MGAT4C: variants seen among roughly 807,000 people sequenced by gnomAD.
MGAT4C encodes alpha-1,3-mannosyl-glycoprotein 4-beta-N-acetylglucosaminyltransferase C.
Under a neutral mutation model 40.1 loss-of-function variants are expected in MGAT4C, and 19 were observed. The ratio of observed to expected loss-of-function variants is 0.47; its 90% CI spans 0.33 to 0.70. The LOEUF (loss-of-function observed/expected upper bound fraction) is 0.70, where lower values mean the gene tolerates loss of function less well. MGAT4C is among the 30% of genes least tolerant of loss of function. The probability of loss-of-function intolerance (pLI) is 0.02; values close to 1 mark genes in which losing one functional copy is unlikely to be tolerated. For synonymous variants in MGAT4C, 181 were observed against 187.1 expected, an observed-to-expected ratio of 0.97 and a Z score of 0.27; for missense variants, 491 against 563.2, an observed-to-expected ratio of 0.87 and a Z score of 1.30.
chr12:86,027,079 AATC>A (rs1224907540), intron 2 of MGAT4C, among the ~76,000 whole-genome samples: 1 of 151,964 alleles, frequency 6.6e-6, no homozygotes, highest in African/African-American at 2.4e-5. Flanking sequence ...AACTACAATG[AATC>A]ATTATTAGGA....
chr12:86,519,341 T>C (rs999455318), intron 2 of MGAT4C, among the ~76,000 whole-genome samples: 1 of 152,204 alleles, frequency 6.6e-6, no homozygotes, highest in South Asian at 2.1e-4. Flanking sequence ...ATTTTGGCTA[T>C]TGTGAATAGT....
intron 3 of MGAT4C, among the ~76,000 whole-genome samples, chr12:86,373,302 G>A (rs926798492): frequency 1.3e-4 from 19 of 151,836 alleles, no homozygotes; most frequent in African/African-American, 3.6e-4. Context: ...TTTAAACTTT[G>A]TTTAACAAAA....
chr12:86,729,382 A>G (rs989112162), intron 1 of MGAT4C, among the ~76,000 whole-genome samples: 4 of 152,080 alleles, frequency 2.6e-5, no homozygotes, highest in Non-Finnish European at 4.4e-5. Context: ...AAAATTTTTA[A>G]AAAAAGGAAA....
intron 1 of MGAT4C, among the ~76,000 whole-genome samples, chr12:86,185,338 T>C (rs780949100): frequency 6.6e-6 from 1 of 152,144 alleles, no homozygotes; most frequent in African/African-American, 2.4e-5. Context: ...ATATATGGTA[T>C]ACACAAAATA....
At chr12:86,692,888 T>C (rs1369317141) in intron 2 of MGAT4C, among the ~76,000 whole-genome samples, 1 of 152,136 alleles carries the variant, frequency 6.6e-6, no homozygotes, top group African/African-American at 2.4e-5. Context: ...TGGGATCATG[T>C]ATGGCATGGA....
At chr12:86,388,777 G>A (rs879824325) in intron 3 of MGAT4C, among the ~76,000 whole-genome samples, 3 of 150,908 alleles carry the variant, frequency 2.0e-5, no homozygotes, top group Non-Finnish European at 4.4e-5. Flanking sequence ...TGACTCCTGG[G>A]TTCAAGCTAT....
chr12:86,120,976 C>A (rs1488289863), intron 1 of MGAT4C, among the ~76,000 whole-genome samples: 5 of 152,098 alleles, frequency 3.3e-5, no homozygotes, highest in African/African-American at 1.2e-4. Flanking sequence ...GAACCCATTG[C>A]AAAGAAGCTA....
intron 1 of MGAT4C, among the ~76,000 whole-genome samples, chr12:86,727,633 C>G (rs527589118): frequency 6.6e-6 from 1 of 151,794 alleles, no homozygotes; most frequent in African/African-American, 2.4e-5. Context: ...AATTTTAAAA[C>G]AGTAAAATCT....
chr12:86,433,476 C>T (rs181790049), intron 3 of MGAT4C, among the ~76,000 whole-genome samples: 1 of 151,880 alleles, frequency 6.6e-6, no homozygotes, highest in Non-Finnish European at 1.5e-5. Flanking sequence ...GTGCCTATTG[C>T]AACAGTCTTT....
intron 4 of MGAT4C, among the ~76,000 whole-genome samples, chr12:86,282,068 A>C (rs957258148): frequency 3.3e-5 from 5 of 152,158 alleles, no homozygotes; most frequent in Admixed American, 2.0e-4. Context: ...GGGCTTTTTA[A>C]ATTTTACTTT....
chr12:85,963,752 G>A lies in MGAT4C; in HGVS notation c.*15537C>T, dbSNP rs1191633639. ...GGCTGATGAAGTCTTGTTGTAACGT[G>A]TAAATGGGGTGGGTGATGGGAGAGA... On this transcript the variant is annotated 3_prime_UTR_variant, in exon 5 of 5. Transcript: ENST00000611864. 2 of 151,976 alleles carry A rather than the reference G, an allele frequency of 1.3e-5. No individual in the cohort carries two copies. Among genetic ancestry groups the A allele is most frequent in the Non-Finnish European group, 2.9e-5 (2 of 67,924 alleles). 9.4% of individuals were successfully genotyped at this position (151,976 alleles called of 1,614,324 possible).
At chr12:86,589,869 G>C (rs138032424) in intron 2 of MGAT4C, among the ~76,000 whole-genome samples, 12 of 151,920 alleles carry the variant, frequency 7.9e-5, no homozygotes, top group Admixed American at 3.3e-4. Context: ...ATGTTCCCAA[G>C]CACAAACAAA....
chr12:86,069,533 G>T (rs1276215314), intron 1 of MGAT4C, among the ~76,000 whole-genome samples: 1 of 152,150 alleles, frequency 6.6e-6, no homozygotes, highest in Non-Finnish European at 1.5e-5. Flanking sequence ...GAAGTGAACA[G>T]TGTGAACTAT....
chr12:86,737,973 G>T (rs1007371977), intron 1 of MGAT4C, among the ~76,000 whole-genome samples: 1 of 151,416 alleles, frequency 6.6e-6, no homozygotes, highest in Non-Finnish European at 1.5e-5. Flanking sequence ...AGTGACCCTG[G>T]TTAAACTTAG....
chr12:86,275,456 G>A (rs142866986), intron 4 of MGAT4C, among the ~76,000 whole-genome samples: 44 of 152,174 alleles, frequency 2.9e-4, no homozygotes, highest in Non-Finnish European at 2.9e-4. Context: ...TGTTGTAGTT[G>A]GATAATGACC....
At chr12:86,110,689 A>G (rs937252097) in intron 1 of MGAT4C, among the ~76,000 whole-genome samples, 29 of 151,658 alleles carry the variant, frequency 1.9e-4, no homozygotes, top group Admixed American at 1.2e-3. Flanking sequence ...TTTTTAATGT[A>G]AAGTATAAGC....
chr12:86,260,152 A>C (rs1952629655), upstream of MGAT4C, among the ~76,000 whole-genome samples: 1 of 152,172 alleles, frequency 6.6e-6, no homozygotes, highest in African/African-American at 2.4e-5. Flanking sequence ...TTTATATCAA[A>C]TACTTATTAA....
chr12:86,536,616 C>T (rs957013537), intron 2 of MGAT4C, among the ~76,000 whole-genome samples: 2 of 152,042 alleles, frequency 1.3e-5, no homozygotes, highest in African/African-American at 2.4e-5. Context: ...AATAGAGAAA[C>T]AAAAATTTAG....
intron 1 of MGAT4C, among the ~76,000 whole-genome samples, chr12:86,819,701 A>G (rs1327949510): frequency 6.6e-6 from 1 of 150,930 alleles, no homozygotes; most frequent in East Asian, 1.9e-4. Flanking sequence ...TAATACAGAA[A>G]ACTTTTTTCG....
Sources: gnomAD v4.1 joint callset for allele counts (sites outside exome capture counted in the v4.1 genomes callset) on GRCh38, gnomAD v4.1.1 for gene constraint, MANE v1.5 for transcripts, NCBI Gene and HGNC (gene_info 2026-07-23, HGNC 2026-07-21) for gene names.